Variants in ELF1 observed in about 807,000 individuals in gnomAD.
ELF1 encodes the protein ETS-related transcription factor Elf-1.
Under a neutral mutation model 59.9 loss-of-function variants are expected in ELF1, and 24 were observed. The observed-to-expected ratio is 0.40, with a 90% CI of 0.29 to 0.56. The LOEUF is 0.56. ELF1 is among the 20% of genes least tolerant of loss of function. The pLI, the probability that ELF1 is intolerant of heterozygous loss-of-function variation, is 0.44. For missense variants in ELF1, 627 were observed against 742.2 expected (o/e 0.84, Z 1.80); for synonymous variants, 248 against 266.2 (o/e 0.93, Z 0.67).
chr13:40,993,402 C>T (rs754552445), intron 1 of ELF1: 8 of 765,514 alleles, frequency 1.0e-5, no homozygotes, highest in Non-Finnish European at 1.8e-5. Flanking sequence ...CTGGGGGGAG[C>T]GGGGCTGGGC....
At chr13:41,040,453 A>G (rs1876559654) in intron 1 of ELF1, among the ~76,000 whole-genome samples, 1 of 152,202 alleles carries the variant, frequency 6.6e-6, no homozygotes, top group African/African-American at 2.4e-5. Flanking sequence ...GGTCAACTAA[A>G]ACAGCAGTGC....
chr13:41,054,009 A>G (rs1247162388), intron 1 of ELF1, among the ~76,000 whole-genome samples: 1 of 152,210 alleles, frequency 6.6e-6, no homozygotes, highest in Non-Finnish European at 1.5e-5. Context: ...TATATTTCTC[A>G]AAAAATATAA....
intron 1 of ELF1, among the ~76,000 whole-genome samples, chr13:41,034,209 G>T (rs376980568): frequency 6.6e-6 from 1 of 152,124 alleles, no homozygotes; most frequent in Non-Finnish European, 1.5e-5. Context: ...AAGAGATTTG[G>T]GGGGATGAGA....
chr13:40,961,047 A>G (rs1304840238), intron 2 of ELF1, among the ~76,000 whole-genome samples: 1 of 152,190 alleles, frequency 6.6e-6, no homozygotes, highest in Non-Finnish European at 1.5e-5. Context: ...TTCCTTAAGT[A>G]AGTCTGCTAT....
At chr13:40,994,729 C>T (rs1465257738) in intron 1 of ELF1, among the ~76,000 whole-genome samples, 1 of 152,152 alleles carries the variant, frequency 6.6e-6, no homozygotes, top group Non-Finnish European at 1.5e-5. Context: ...CATAAACATG[C>T]TAAAACGTCT....
upstream of ELF1, among the ~76,000 whole-genome samples, chr13:41,020,453 C>T (rs1412680977): frequency 6.6e-6 from 1 of 152,130 alleles, no homozygotes; most frequent in East Asian, 1.9e-4. Flanking sequence ...TTTATTCTGG[C>T]TTACCAGAGG....
chr13:40,932,703 T>TA lies in ELF1; in HGVS notation c.*721dup, dbSNP rs1337273617. The stretch of plus-strand genomic sequence containing the variant: ...AACTTGAAAATATAGGTATTAGAAT[T>TA]AAAAAAATTAGAACTAGAAGAGAAA... On this transcript the variant is annotated 3_prime_UTR_variant, in exon 9 of 9. Coordinates refer to ENST00000239882, the MANE Select transcript of ELF1 (RefSeq NM_172373.4). The TA allele has an allele frequency of 3.2e-4, 49 of 152,150 alleles. No individual in the cohort carries two copies. Among genetic ancestry groups the TA allele is most frequent in the Admixed American group, 2.9e-3 (44 of 15,264 alleles). The allele number at this position is 152,150 out of a possible 1,614,324, so 9.4% of individuals were successfully genotyped here.
In ELF1 at chr13:40,941,244, T is replaced by C; in HGVS notation, c.933A>G (p.Ser311=). Residue 311 remains serine (S), a synonymous_variant, in exon 8 of 9, where the codon TCA becomes TCG. Transcript: ENST00000239882. ...DEDPSSSIES[S]DPSLSSSATS... ...TGGCTGATGAAGATAGCGATGGATC[T>C]GAAGACTCTATGCTGGAACTTGGAT... 1 of 1,614,218 alleles carries C rather than the reference T, an allele frequency of 6.2e-7. No individual in the cohort carries two copies.
At chr13:40,957,608 T>G (rs1871532462) in intron 3 of ELF1, among the ~76,000 whole-genome samples, 1 of 152,160 alleles carries the variant, frequency 6.6e-6, no homozygotes, top group Non-Finnish European at 1.5e-5. Context: ...CTGCTTCCCC[T>G]TCGCCTTCCA....
intron 1 of ELF1, among the ~76,000 whole-genome samples, chr13:41,044,582 T>C (rs1876761528): frequency 6.6e-6 from 1 of 152,210 alleles, no homozygotes; most frequent in Non-Finnish European, 1.5e-5. Context: ...TCTGTTTATA[T>C]GATGGATTAC....
intron 5 of ELF1, among the ~76,000 whole-genome samples, chr13:40,948,546 T>C (rs562530139): frequency 1.3e-5 from 2 of 152,226 alleles, no homozygotes; most frequent in Non-Finnish European, 2.9e-5. Flanking sequence ...TTTCAGCTCT[T>C]GGAATTTCCC....
intron 1 of ELF1, among the ~76,000 whole-genome samples, chr13:40,986,611 C>A (rs553464099): frequency 6.6e-6 from 1 of 151,442 alleles, no homozygotes; most frequent in East Asian, 2.0e-4. Flanking sequence ...CAAGGTTTGG[C>A]GTCTTTTTAA....
At chr13:40,993,104 T>C in intron 1 of ELF1, 1 of 1,606,288 alleles carries the variant, frequency 6.2e-7, no homozygotes, top group Admixed American at 1.7e-5. Context: ...AGGGCAAGAC[T>C]TCCTCTGCAG....
intron 1 of ELF1, among the ~76,000 whole-genome samples, chr13:41,034,963 C>CT (rs1876315451): frequency 1.3e-5 from 2 of 152,182 alleles, no homozygotes. Context: ...CATTGTCATG[C>CT]TTTTTCACTC....
intron 1 of ELF1, among the ~76,000 whole-genome samples, chr13:40,994,980 C>A (rs998183568): frequency 2.6e-5 from 4 of 152,122 alleles, no homozygotes; most frequent in African/African-American, 7.2e-5. Flanking sequence ...TATGTTGTTT[C>A]AAAGTTCCCC....
chr13:41,024,231 T>G (rs1213017311), upstream of ELF1, among the ~76,000 whole-genome samples: 1 of 152,210 alleles, frequency 6.6e-6, no homozygotes, highest in East Asian at 1.9e-4. Flanking sequence ...ACATGCCAAC[T>G]CCTGGAAATG....
At chr13:41,047,318 C>G (rs1220873860) in intron 1 of ELF1, among the ~76,000 whole-genome samples, 2 of 152,202 alleles carry the variant, frequency 1.3e-5, no homozygotes, top group Non-Finnish European at 2.9e-5. Context: ...CCGTTGCTGG[C>G]GAGGAGCTGC....
intron 1 of ELF1, among the ~76,000 whole-genome samples, chr13:40,993,732 G>A (rs1340286244): frequency 2.0e-5 from 3 of 152,046 alleles, no homozygotes; most frequent in Non-Finnish European, 4.4e-5. Flanking sequence ...CAATCCTCCC[G>A]TCTAGGCCTC....
intron 5 of ELF1, among the ~76,000 whole-genome samples, chr13:40,947,217 TG>T (rs1412713606): frequency 6.6e-6 from 1 of 152,008 alleles, no homozygotes; most frequent in African/African-American, 2.4e-5. Context: ...AACTGCTGAC[TG>T]GGTAAACAAA....
Sources: gnomAD v4.1 joint callset for allele counts (sites outside exome capture counted in the v4.1 genomes callset) on GRCh38, gnomAD v4.1.1 for gene constraint, MANE v1.5 for transcripts, NCBI Gene and HGNC (gene_info 2026-07-23, HGNC 2026-07-21) for gene names.